Variants in SNRK observed in about 807,000 individuals in gnomAD.
SNRK encodes SNF related kinase.
In SNRK, 3 loss-of-function variants were observed where a neutral mutation model predicts 48.2. That is an observed-to-expected ratio of 0.06 (90% CI 0.03 to 0.16). The LOEUF is 0.16. Ranked by LOEUF, SNRK falls within the 10% of genes least tolerant of loss-of-function variation. SNRK has a pLI of 1.00. For synonymous variants in SNRK, 376 were observed against 366.1 expected (o/e 1.03, Z -0.31); for missense variants, 627 against 976.0 (o/e 0.64, Z 4.76).
chr3:43,337,293 C>CG (rs1317323308), intron 4 of SNRK, among the ~76,000 whole-genome samples: 2 of 151,528 alleles, frequency 1.3e-5, no homozygotes, highest in Non-Finnish European at 2.9e-5. Context: ...AGGCTGGTCT[C>CG]GAACTCCTTA....
Position 43,349,896 on chromosome 3 carries a change from A to T in SNRK, c.*1339A>T, listed in dbSNP as rs1047646308. 3 of 152,178 alleles carry T rather than the reference A, an allele frequency of 2.0e-5. No homozygotes were observed. Among genetic ancestry groups the T allele is most frequent in the African/African-American group, 7.2e-5 (3 of 41,424 alleles). 9.4% of individuals were successfully genotyped at this position (152,178 alleles called of 1,614,324 possible). A position where few individuals can be genotyped will look rare whatever the true frequency, so the allele number is the denominator to read the frequency against. ...AGTGCTTAGCAACATTGGTGATAGC[A>T]TGTGGCTGGGACCCAGGGCCCTTCC... is the stretch of plus-strand genomic sequence containing the variant. On this transcript the variant is annotated 3_prime_UTR_variant, in exon 7 of 7. Coordinates refer to ENST00000296088, the MANE Select transcript of SNRK (RefSeq NM_017719.5).
At position 43,286,583 on chromosome 3, in the gene SNRK, A is replaced by G. The variant is rs1019782509; in HGVS notation, c.-261A>G. 1.3e-4 allele frequency: 19 copies of G among 150,254 alleles called. 1 individual carries two copies. Among genetic ancestry groups the G allele is most frequent in the Admixed American group, 6.6e-4 (10 of 15,114 alleles). The allele number at this position is 150,254 out of a possible 1,614,324, so 9.3% of individuals were successfully genotyped here. A position where few individuals can be genotyped will look rare whatever the true frequency, so the allele number is the denominator to read the frequency against. ...CCCCGCGGCCGGCAGCCCGCTCGGT[A>G]TTATGATTAGCGCTGGGTGCGGGGT... On this transcript the variant is annotated 5_prime_UTR_variant, in exon 1 of 7. Transcript: ENST00000296088.
intron 6 of SNRK, among the ~76,000 whole-genome samples, chr3:43,345,129 C>T (rs2091265853): frequency 6.6e-6 from 1 of 152,164 alleles, no homozygotes; most frequent in East Asian, 1.9e-4. Context: ...AATACCAGAG[C>T]TTTCTGAACT....
At chr3:43,298,375 A>G (rs956889659) in intron 1 of SNRK, among the ~76,000 whole-genome samples, 7 of 152,244 alleles carry the variant, frequency 4.6e-5, no homozygotes, top group Non-Finnish European at 5.9e-5. Context: ...GGAAGGAGCT[A>G]CTATATCCCT....
chr3:43,287,178 T>A (rs114541130), intron 1 of SNRK, among the ~76,000 whole-genome samples: 1,532 of 151,962 alleles, frequency 0.01, 19 homozygotes, highest in Non-Finnish European at 0.018. Flanking sequence ...TGCTTTACAA[T>A]AGAGTGGGGA....
chr3:43,290,743 C>T (rs2090805370), intron 1 of SNRK, among the ~76,000 whole-genome samples: 1 of 152,204 alleles, frequency 6.6e-6, no homozygotes, highest in South Asian at 2.1e-4. Context: ...CAGGATTTTT[C>T]TTGAGCTCTT....
chr3:43,338,844 G>A (rs902971975), intron 4 of SNRK, among the ~76,000 whole-genome samples: 3 of 151,924 alleles, frequency 2.0e-5, no homozygotes, highest in Non-Finnish European at 4.4e-5. Context: ...ATGTATAGTA[G>A]CTTTATTTAT....
intron 6 of SNRK, chr3:43,346,930 T>A (rs2091280880): frequency 1.3e-5 from 2 of 157,544 alleles, no homozygotes; most frequent in Admixed American, 1.3e-4. Flanking sequence ...AAATTTCAGG[T>A]GAATTTTATT....
chr3:43,316,764 C>T (rs2091016137), intron 3 of SNRK, among the ~76,000 whole-genome samples: 1 of 151,604 alleles, frequency 6.6e-6, no homozygotes. Context: ...AAGCTAGACC[C>T]CCCTCCCCAC....
rs151197003 is a variant in SNRK, at chr3:43,291,797, TAAGAA to T, written c.-169+5126_-169+5130del. On this transcript the variant is annotated intron_variant, in intron 1 of 6. Coordinates refer to ENST00000296088, the MANE Select transcript of SNRK (RefSeq NM_017719.5). ...AAGTGTACCTCTATGGTGAAGATAATAAGAAAAGTTAACTATGTGGTACTTTGAAA... is the reference window on the plus strand; with the variant it reads ...AAGTGTACCTCTATGGTGAAGATAATAAGTTAACTATGTGGTACTTTGAAA... Among the ~76,000 whole-genome samples the T allele has an allele frequency of 6.0e-3, 914 of 152,306 alleles. 15 individuals are homozygous for T. The East Asian group carries it at 0.064, about 11-fold the overall frequency.
At chr3:43,305,641 G>A (rs1373772553) in intron 3 of SNRK, among the ~76,000 whole-genome samples, 8 of 151,496 alleles carry the variant, frequency 5.3e-5, no homozygotes, top group African/African-American at 9.7e-5. Flanking sequence ...CTGCCACCAC[G>A]CCTAGCTAAT....
At chr3:43,335,676 G>A (rs1364760112) in intron 4 of SNRK, among the ~76,000 whole-genome samples, 1 of 152,144 alleles carries the variant, frequency 6.6e-6, no homozygotes, top group Non-Finnish European at 1.5e-5. Context: ...CTTCCACTGT[G>A]ATGGTGGATT....
intron 1 of SNRK, among the ~76,000 whole-genome samples, chr3:43,289,173 C>T (rs751106347): frequency 5.3e-5 from 8 of 152,018 alleles, no homozygotes; most frequent in South Asian, 2.1e-4. Context: ...ACAAGGATGG[C>T]GGCAGTGAAC....
chr3:43,290,069 G>A (rs928365991), intron 1 of SNRK, among the ~76,000 whole-genome samples: 3 of 152,158 alleles, frequency 2.0e-5, no homozygotes, highest in Non-Finnish European at 4.4e-5. Flanking sequence ...ACATAACGGT[G>A]GTCAAATCGC....
At chr3:43,341,231 A>G (rs1331434907) in intron 5 of SNRK, among the ~76,000 whole-genome samples, 3 of 152,032 alleles carry the variant, frequency 2.0e-5, no homozygotes, top group Admixed American at 6.6e-5. Flanking sequence ...GCTCACTGCA[A>G]GCTCCGCCTC....
intron 6 of SNRK, 102 bp downstream of exon 6, chr3:43,343,580 T>A: frequency 7.8e-7 from 1 of 1,284,220 alleles, no homozygotes; most frequent in Non-Finnish European, 1.1e-6. Flanking sequence ...GGCAAGAGAG[T>A]ACAAACAGTG....
At chr3:43,304,040 C>G (rs17075523) in intron 3 of SNRK, among the ~76,000 whole-genome samples, 7,896 of 152,138 alleles carry the variant, frequency 0.052, 558 homozygotes, top group African/African-American at 0.16. Context: ...TTAAAGTAAT[C>G]TCTTTTCTGT....
chr3:43,312,468 A>G (rs2125626304), intron 3 of SNRK, among the ~76,000 whole-genome samples: 1 of 152,302 alleles, frequency 6.6e-6, no homozygotes, highest in Non-Finnish European at 1.5e-5. Flanking sequence ...GCTCTAAGTA[A>G]ACAAGGAATA....
chr3:43,299,120 T>C (rs1179415971), intron 1 of SNRK, among the ~76,000 whole-genome samples: 1 of 152,162 alleles, frequency 6.6e-6, no homozygotes, highest in African/African-American at 2.4e-5. Flanking sequence ...TTCAGTGAAA[T>C]GTGAGTTCGG....
Sources: allele counts gnomAD v4.1 joint callset (sites outside exome capture counted in the v4.1 genomes callset), GRCh38; gene constraint gnomAD v4.1.1; transcripts MANE v1.5; gene names NCBI Gene and HGNC (gene_info 2026-07-23, HGNC 2026-07-21).